UBN1: variants seen among roughly 807,000 people sequenced by gnomAD.
UBN1 encodes ubinuclein 1, also known as ubinuclein-1.
Under a neutral mutation model 108.5 loss-of-function variants are expected in UBN1, and 17 were observed. That is an observed-to-expected ratio of 0.16 (90% CI 0.11 to 0.24). The LOEUF is 0.24. Among genes scored for constraint, UBN1 ranks in the 10% least tolerant of loss-of-function variants. UBN1 has a pLI of 1.00. For synonymous variants in UBN1, 726 were observed against 564.2 expected (o/e 1.29, Z -4.07); for missense variants, 1,595 against 1,394.4 (o/e 1.14, Z -2.29).
chr16:4,864,890 T>C (rs2087251555), intron 7 of UBN1, among the ~76,000 whole-genome samples: 1 of 152,200 alleles, frequency 6.6e-6, no homozygotes, highest in South Asian at 2.1e-4. Context: ...ACAACTTGTT[T>C]GATCTTTTTA....
chr16:4,854,454 C>T (rs1204815019), intron 2 of UBN1, among the ~76,000 whole-genome samples: 1 of 151,740 alleles, frequency 6.6e-6, no homozygotes, highest in Non-Finnish European at 1.5e-5. Flanking sequence ...AATGTTTCTC[C>T]TGCCTCAGCC....
Position 4,870,241 on chromosome 16 carries a change from G to T in UBN1, c.1211G>T (p.Ser404Ile). 6.2e-7 allele frequency: 1 copy of T among 1,614,258 alleles called. No homozygotes were observed. The highest frequency in any genetic ancestry group is 8.5e-7 in the Non-Finnish European group (1 of 1,180,048). The change falls in exon 9 of 18, where the codon AGT (serine) becomes ATT (isoleucine). Residue 404 changes from serine to isoleucine, a missense_variant. By Grantham distance (142) the Ser-to-Ile change is moderately radical (BLOSUM62 -2). Transcript: ENST00000262376. ...GAGGCGCAGACTCGGGAGCTGAGCA[G>T]TCAGGTCCGCTCTGGGGTGTATGCC... ...DIEAQTRELS[S>I]QVRSGVYAYL...
In UBN1 at chr16:4,853,005, G is replaced by A. The variant is rs1053758030; in HGVS notation, c.88G>A (p.Gly30Arg). 5 of 1,614,218 alleles carry A rather than the reference G, an allele frequency of 3.1e-6. No homozygotes were observed. The highest frequency in any genetic ancestry group is 4.2e-6 in the Non-Finnish European group (5 of 1,180,044). The change falls in exon 2 of 18, where the codon GGG becomes AGG. Residue 30 changes from glycine (G) to arginine (R), a missense_variant. By Grantham distance (125) the Gly-to-Arg change is moderately radical (BLOSUM62 -2). This residue lies in a region of UBN1 where 181 missense variants were observed against 157.3 expected (regional missense o/e 1.15). Transcript: ENST00000262376. ...FLKKSRKEEA[G>R]AGEQHQDCEP... ...GAAGAAGTCCCGGAAGGAGGAGGCT[G>A]GGGCAGGAGAACAGCATCAGGACTG...
At chr16:4,867,192 G>A (rs1404849303) in intron 7 of UBN1, among the ~76,000 whole-genome samples, 1 of 152,202 alleles carries the variant, frequency 6.6e-6, no homozygotes, top group Non-Finnish European at 1.5e-5. Context: ...AGGTTGGAGT[G>A]CAATTATTAG....
At position 4,880,336 on chromosome 16, in the gene UBN1, C is replaced by G. The variant is rs1333106738; in HGVS notation, c.*204C>G. 3.4e-6 allele frequency: 2 copies of G among 586,036 alleles called. No homozygotes were observed. Among genetic ancestry groups the G allele is most frequent in the East Asian group, 5.8e-5 (2 of 34,696 alleles). The allele number at this position is 586,036 out of a possible 1,614,324, so 36.3% of individuals were successfully genotyped here. ...TTGCTGCTCAGGAGGTGCAGACTGC[C>G]CCGTGCTCTGGGCCTTGCAGCTCTG... On this transcript the variant is annotated 3_prime_UTR_variant, in exon 18 of 18. Coordinates refer to ENST00000262376, the MANE Select transcript of UBN1 (RefSeq NM_001079514.3).
At position 4,877,164 on chromosome 16, in the gene UBN1, A is replaced by T; in HGVS notation, c.3265+53A>T. The T allele has an allele frequency of 6.4e-7, 1 of 1,551,786 alleles. No homozygotes were observed. Reference sequence around the variant, plus strand: ...ACTCAGGAACCTCTAGATTGTGGCCAGGGGTCCTGCTGTTGTGTACTCTGG... The same window carrying T: ...ACTCAGGAACCTCTAGATTGTGGCCTGGGGTCCTGCTGTTGTGTACTCTGG... On this transcript the variant is annotated intron_variant, in intron 16 of 17. Transcript: ENST00000262376. The surrounding 1 kb of genome is among the most constrained non-coding windows in gnomAD (Gnocchi z 4.3).
At chr16:4,874,134 A>G (rs960807473) in intron 14 of UBN1, 77 bp from the exon 15 acceptor site, 43 of 1,480,840 alleles carry the variant, frequency 2.9e-5, no homozygotes, top group Middle Eastern at 1.8e-4. Flanking sequence ...TCGAGTTCAC[A>G]TGTTTGTATC....
chr16:4,876,429 A>G (rs2087887733), intron 15 of UBN1, among the ~76,000 whole-genome samples: 1 of 152,140 alleles, frequency 6.6e-6, no homozygotes, highest in Non-Finnish European at 1.5e-5. Context: ...AAATAAAGGT[A>G]TATATGTATG....
intron 8 of UBN1, among the ~76,000 whole-genome samples, chr16:4,869,540 A>T (rs2087507651): frequency 6.6e-6 from 1 of 152,204 alleles, no homozygotes; most frequent in Non-Finnish European, 1.5e-5. Context: ...TTGTTGCTCA[A>T]CAGCTGAGGA....
At position 4,872,874 on chromosome 16, in the gene UBN1, T is replaced by C; in HGVS notation, c.1707-10T>C. ...GCATGTACAGATGCCTGGTGTTCTG[T>C]GTCTTTCAGAACTCTGTTTAAGGAG... On this transcript the variant is annotated splice_polypyrimidine_tract_variant and intron_variant, in intron 12 of 17. Coordinates refer to ENST00000262376, the MANE Select transcript of UBN1 (RefSeq NM_001079514.3). The C allele has an allele frequency of 6.2e-7, 1 of 1,614,184 alleles. No individual in the cohort carries two copies. Among genetic ancestry groups the C allele is most frequent in the Non-Finnish European group, 8.5e-7 (1 of 1,180,020 alleles).
rs145037935 is a variant in UBN1, at chr16:4,859,660, T to A, written c.568-205T>A. ...TCAGGCTCCAGAATGGTCACTGTTG[T>A]CTCAGCCCTGGGTGTTTCCAGGAGA... On this transcript the variant is annotated intron_variant, in intron 5 of 17. Coordinates refer to ENST00000262376, the MANE Select transcript of UBN1 (RefSeq NM_001079514.3). 1.9e-3 allele frequency among the ~76,000 whole-genome samples: 295 copies of A among 152,346 alleles called. 5 individuals are homozygous for A. In the Middle Eastern group the frequency reaches 0.031, roughly 16 times the overall value.
rs12444761 is a variant in UBN1 at position 4,877,284 on chromosome 16, C to T, written c.3266-101C>T. 218,949 of 1,528,724 alleles carry T rather than the reference C, an allele frequency of 0.14. 17,235 individuals carry two copies. Among genetic ancestry groups the T allele is most frequent in the South Asian group, 0.25 (20,186 of 80,128 alleles). 94.7% of individuals were successfully genotyped at this position (1,528,724 alleles called of 1,614,324 possible). A position where few individuals can be genotyped will look rare whatever the true frequency, so the allele number is the denominator to read the frequency against. ...CCTTTGGGTGTGGTGCCCAGACTGGCCTGGCAGGTTATCGGGGGCTTTTGG... is the reference window on the plus strand; with the variant it reads ...CCTTTGGGTGTGGTGCCCAGACTGGTCTGGCAGGTTATCGGGGGCTTTTGG... On this transcript the variant is annotated intron_variant, in intron 16 of 17. Transcript: ENST00000262376. This position sits in a 1 kb window ranked among gnomAD's most constrained non-coding sequence, Gnocchi z 4.3.
At position 4,870,975 on chromosome 16, in the gene UBN1, G is replaced by A. The variant is rs748096910; in HGVS notation, c.1559+3G>A. On this transcript the variant is annotated splice_donor_region_variant and intron_variant, in intron 11 of 17. Coordinates refer to ENST00000262376, the MANE Select transcript of UBN1 (RefSeq NM_001079514.3). ...TTCCAATGGAATGATGAGATCAGGT[G>A]TGCCCACACTGGGACTTGGCCTCTT... 2.5e-6 allele frequency: 4 copies of A among 1,614,120 alleles called. No homozygotes were observed. Among genetic ancestry groups the A allele is most frequent in the East Asian group, 2.2e-5 (1 of 44,882 alleles).
chr16:4,856,466 A>G (rs2086815733), intron 2 of UBN1, among the ~76,000 whole-genome samples: 1 of 152,242 alleles, frequency 6.6e-6, no homozygotes, highest in Non-Finnish European at 1.5e-5. Context: ...AAAGTTAGAG[A>G]AAACACTGTA....
intron 1 of UBN1, among the ~76,000 whole-genome samples, chr16:4,851,870 A>G (rs1334600668): frequency 6.6e-6 from 1 of 152,212 alleles, no homozygotes; most frequent in Non-Finnish European, 1.5e-5. Context: ...CCTCACTCTA[A>G]GCAACACTAA....
At position 4,880,456 on chromosome 16, in the gene UBN1, G is replaced by T. The variant is rs1033790586; in HGVS notation, c.*324G>T. On this transcript the variant is annotated 3_prime_UTR_variant, in exon 18 of 18. Coordinates refer to ENST00000262376, the MANE Select transcript of UBN1 (RefSeq NM_001079514.3). ...GTTTACAGGCTCTGGTGGCAGAGCAGTTGGCACACCTGTGGGTGAATCTGC... is the reference window on the plus strand; with the variant it reads ...GTTTACAGGCTCTGGTGGCAGAGCATTTGGCACACCTGTGGGTGAATCTGC... The T allele has an allele frequency of 2.6e-5, 8 of 303,348 alleles. No individual in the cohort carries two copies. The highest frequency in any genetic ancestry group is 4.2e-5 in the African/African-American group (2 of 48,100). The allele number at this position is 303,348 out of a possible 1,614,324, so 18.8% of individuals were successfully genotyped here. A position where few individuals can be genotyped will look rare whatever the true frequency, so the allele number is the denominator to read the frequency against.
At chr16:4,858,428 TG>T (rs1271103563) in intron 3 of UBN1, 139 bp from the exon 4 acceptor site, 5 of 706,490 alleles carry the variant, frequency 7.1e-6, no homozygotes, top group Non-Finnish European at 1.2e-5. Flanking sequence ...AAGGAGGTTT[TG>T]GGGTTTGTGT....
Position 4,859,919 on chromosome 16 carries a change from A to T in UBN1, c.622A>T (p.Thr208Ser). 2 of 1,614,112 alleles carry T rather than the reference A, an allele frequency of 1.2e-6. No homozygotes were observed. The highest frequency in any genetic ancestry group is 1.7e-6 in the Non-Finnish European group (2 of 1,180,008). ...GATAAAGAAGAAGAAAAAAGATGAC[A>T]CTTATGACAAGGAGAAGAAATCGAA... is the stretch of plus-strand genomic sequence containing the variant. ...EKIKKKKKDD[T>S]YDKEKKSKKS... The change falls in exon 6 of 18, where the codon ACT (threonine) becomes TCT (serine). Residue 208 changes from threonine to serine, a missense_variant. By Grantham distance (58) the Thr-to-Ser change is moderately conservative. Transcript: ENST00000262376.
At chr16:4,865,273 A>G (rs1056136324) in intron 7 of UBN1, among the ~76,000 whole-genome samples, 18 of 152,230 alleles carry the variant, frequency 1.2e-4, no homozygotes, top group African/African-American at 3.9e-4. Context: ...ATGCAATTCA[A>G]AAGGTTTACA....
Sources: gnomAD v4.1 joint callset for allele counts (sites outside exome capture counted in the v4.1 genomes callset) on GRCh38, gnomAD v4.1.1 for gene constraint, gnomAD v4.1.1 regional missense constraint, Gnocchi (gnomAD v3.1) non-coding constraint, MANE v1.5 for transcripts, NCBI Gene and HGNC (gene_info 2026-07-23, HGNC 2026-07-21) for gene names.